The following RFX7 variants were observed in gnomAD, a reference collection of about 807,000 sequenced individuals.
RFX7 encodes DNA-binding protein RFX7.
In RFX7, 26 loss-of-function variants were observed where a neutral mutation model predicts 111.8. The ratio of observed to expected loss-of-function variants is 0.23; its 90% confidence interval spans 0.17 to 0.32. RFX7 has a LOEUF of 0.32. RFX7 is among the 10% of genes least tolerant of loss of function. The probability of loss-of-function intolerance (pLI) is 1.00; values close to 1 mark genes in which losing one functional copy is unlikely to be tolerated. For synonymous variants in RFX7, 624 were observed against 624.4 expected, an observed-to-expected ratio of 1.00 and a Z score of 0.01; for missense variants, 1,573 against 1,772.9, an observed-to-expected ratio of 0.89 and a Z score of 2.02.
At chr15:56,215,684 T>C (rs2043356886) in intron 2 of RFX7, among the ~76,000 whole-genome samples, 1 of 152,240 alleles carries the variant, frequency 6.6e-6, no homozygotes, top group African/African-American at 2.4e-5. Context: ...ATACCAAGAT[T>C]ATACCAGCCT....
intron 3 of RFX7, among the ~76,000 whole-genome samples, chr15:56,161,103 G>A (rs567798079): frequency 6.6e-6 from 1 of 152,200 alleles, no homozygotes; most frequent in South Asian, 2.1e-4. Context: ...AGTATGATCT[G>A]AGTCAATTTG....
At chr15:56,171,494 T>C (rs1352246307) in intron 3 of RFX7, among the ~76,000 whole-genome samples, 1 of 152,062 alleles carries the variant, frequency 6.6e-6, no homozygotes, top group East Asian at 1.9e-4. Context: ...CAGCCATTAA[T>C]GGCTTTGAAG....
At chr15:56,176,846 A>G (rs2042908340) in intron 3 of RFX7, among the ~76,000 whole-genome samples, 1 of 152,072 alleles carries the variant, frequency 6.6e-6, no homozygotes, top group Admixed American at 6.6e-5. Context: ...AGAGCCTTGA[A>G]TTATCTACTG....
chr15:56,110,355 G>A (rs1286041666), intron 5 of RFX7, among the ~76,000 whole-genome samples: 20 of 96,804 alleles, frequency 2.1e-4, no homozygotes, highest in African/African-American at 6.8e-4. Flanking sequence ...CAGCCGCCTC[G>A]TCCGGGAGGG....
chr15:56,231,990 G>A (rs1173099634), intron 2 of RFX7, among the ~76,000 whole-genome samples: 1 of 152,214 alleles, frequency 6.6e-6, no homozygotes, highest in Non-Finnish European at 1.5e-5. Context: ...TGATTCAAGA[G>A]GTGGGTTCCC....
intron 3 of RFX7, among the ~76,000 whole-genome samples, chr15:56,158,940 T>C (rs1300839411): frequency 3.9e-5 from 6 of 152,186 alleles, no homozygotes; most frequent in Non-Finnish European, 8.8e-5. Flanking sequence ...CAGCTTATTC[T>C]TCCTATCTAA....
intron 5 of RFX7, among the ~76,000 whole-genome samples, chr15:56,135,515 G>C (rs1379707458): frequency 6.6e-6 from 1 of 151,700 alleles, no homozygotes; most frequent in Non-Finnish European, 1.5e-5. Context: ...CTGGATATTA[G>C]CCCTTTGTCA....
intron 5 of RFX7, among the ~76,000 whole-genome samples, chr15:56,110,247 G>A (rs1248215863): frequency 6.7e-5 from 6 of 88,910 alleles, no homozygotes; most frequent in Non-Finnish European, 9.3e-5. Flanking sequence ...CCGGCCAGCC[G>A]CCCCGTCCGG....
chr15:56,091,858 A>G lies in RFX7; in HGVS notation c.*1487T>C, dbSNP rs2041600739. The stretch of plus-strand genomic sequence containing the variant: ...ACAACAAAACCTTATTAAACCCTTC[A>G]GCACATTTGCTAAATATTCATTGAT... On this transcript the variant is annotated 3_prime_UTR_variant, in exon 10 of 10. Coordinates refer to ENST00000559447, the MANE Select transcript of RFX7 (RefSeq NM_022841.7). 6.6e-6 allele frequency: 1 copy of G among 152,542 alleles called. No homozygotes were observed. Among genetic ancestry groups the G allele is most frequent in the African/African-American group, 2.4e-5 (1 of 41,460 alleles). The allele number at this position is 152,542 out of a possible 1,614,324, so 9.4% of individuals were successfully genotyped here.
At chr15:56,119,798 A>G (rs2042053018) in intron 5 of RFX7, among the ~76,000 whole-genome samples, 1 of 151,274 alleles carries the variant, frequency 6.6e-6, no homozygotes, top group Non-Finnish European at 1.5e-5. Context: ...AAAAAAAGAA[A>G]GAAAGAAAAC....
At chr15:56,120,623 G>C (rs1403950828) in intron 5 of RFX7, among the ~76,000 whole-genome samples, 5 of 152,110 alleles carry the variant, frequency 3.3e-5, no homozygotes, top group Non-Finnish European at 7.4e-5. Context: ...CTAGCTGTGG[G>C]TCTGTCATAT....
chr15:56,181,332 C>G (rs953973410), intron 2 of RFX7, among the ~76,000 whole-genome samples: 1 of 152,198 alleles, frequency 6.6e-6, no homozygotes, highest in Non-Finnish European at 1.5e-5. Flanking sequence ...CTTCAACAGA[C>G]AGTTCTTCCC....
At chr15:56,122,121 G>A (rs1031069618) in intron 5 of RFX7, among the ~76,000 whole-genome samples, 7 of 152,106 alleles carry the variant, frequency 4.6e-5, no homozygotes, top group South Asian at 2.1e-4. Flanking sequence ...GATATTTATC[G>A]TAGTGTTCAC....
At chr15:56,222,502 C>T (rs552065166) in intron 2 of RFX7, among the ~76,000 whole-genome samples, 84 of 152,256 alleles carry the variant, frequency 5.5e-4, no homozygotes, top group African/African-American at 1.8e-3. Context: ...TATTGGCCCA[C>T]GAGTCACAGA....
At chr15:56,241,076 G>A in intron 2 of RFX7, among the ~76,000 whole-genome samples, 1 of 152,010 alleles carries the variant, frequency 6.6e-6, no homozygotes, top group South Asian at 2.1e-4. Context: ...TTGCAAATAG[G>A]ATTTCTAAAG....
intron 5 of RFX7, among the ~76,000 whole-genome samples, chr15:56,112,379 C>CAAAA (rs71110374): frequency 0.011 from 762 of 71,272 alleles, no homozygotes; most frequent in Non-Finnish European, 0.013. Flanking sequence ...GAGTACAAAT[C>CAAAA]AAAAAAAAAA....
chr15:56,227,719 G>C (rs74427244), intron 2 of RFX7, among the ~76,000 whole-genome samples: 19,797 of 152,112 alleles, frequency 0.13, 1,689 homozygotes, highest in East Asian at 0.44. Context: ...AATGAATACA[G>C]TGTTATTATT....
At chr15:56,129,827 T>C (rs1307090244) in intron 5 of RFX7, among the ~76,000 whole-genome samples, 1 of 152,132 alleles carries the variant, frequency 6.6e-6, no homozygotes, top group East Asian at 1.9e-4. Flanking sequence ...ACGTTTCTGG[T>C]TTTGGTATTT....
intron 2 of RFX7, among the ~76,000 whole-genome samples, chr15:56,238,868 T>C (rs2043654093): frequency 6.6e-6 from 1 of 152,160 alleles, no homozygotes; most frequent in South Asian, 2.1e-4. Context: ...AGAGTCCTGC[T>C]CTGTCGCCCA....
Sources: gnomAD v4.1 joint callset for allele counts (sites outside exome capture counted in the v4.1 genomes callset) on GRCh38, gnomAD v4.1.1 for gene constraint, MANE v1.5 for transcripts, NCBI Gene and HGNC (gene_info 2026-07-23, HGNC 2026-07-21) for gene names.